AHCYL2: variants seen among roughly 807,000 people sequenced by gnomAD.
The protein encoded by AHCYL2 is S-adenosylhomocysteine hydrolase-like protein 2.
A neutral mutation model predicts 81.4 loss-of-function variants in AHCYL2; 28 were observed. The observed-to-expected ratio is 0.34, with a 90% CI of 0.25 to 0.47. The LOEUF is 0.47. Ranked by LOEUF, AHCYL2 falls within the 20% of genes least tolerant of loss-of-function variation. The pLI is 1.00. For synonymous variants in AHCYL2, 272 were observed against 290.2 expected (o/e 0.94, Z 0.64); for missense variants, 551 against 785.1 (o/e 0.70, Z 3.56).
chr7:129,263,737 T>C (rs1184612168), intron 1 of AHCYL2, among the ~76,000 whole-genome samples: 1 of 152,184 alleles, frequency 6.6e-6, no homozygotes, highest in East Asian at 1.9e-4. Context: ...TCAGATGCAA[T>C]ATGGAGAATG....
intron 1 of AHCYL2, among the ~76,000 whole-genome samples, chr7:129,349,582 G>A (rs1793482512): frequency 6.7e-6 from 1 of 149,878 alleles, no homozygotes; most frequent in African/African-American, 2.5e-5. Flanking sequence ...AACCCGGGAA[G>A]CGGAGGTTGT....
At chr7:129,401,945 C>CCT (rs1367356044) in intron 6 of AHCYL2, among the ~76,000 whole-genome samples, 2 of 152,296 alleles carry the variant, frequency 1.3e-5, no homozygotes, top group East Asian at 3.9e-4. Flanking sequence ...TGCTTCCCAA[C>CCT]CTCTGGAAGA....
At chr7:129,325,818 G>A (rs886176371) in intron 1 of AHCYL2, among the ~76,000 whole-genome samples, 10 of 151,378 alleles carry the variant, frequency 6.6e-5, no homozygotes, top group Admixed American at 2.6e-4. Context: ...CGATTCTCCC[G>A]CCTCAGCCTC....
intron 1 of AHCYL2, among the ~76,000 whole-genome samples, chr7:129,275,612 G>A (rs2566884): frequency 0.12 from 18,590 of 151,932 alleles, 1,503 homozygotes; most frequent in African/African-American, 0.24. Context: ...CATTATTTGC[G>A]TTAAAAATTA....
chr7:129,414,420 C>T (rs200855684), intron 12 of AHCYL2, among the ~76,000 whole-genome samples: 62 of 125,402 alleles, frequency 4.9e-4, no homozygotes, highest in Middle Eastern at 4.3e-3. Flanking sequence ...AATGTTGTTT[C>T]TTTTTTTTTT....
chr7:129,328,234 G>A (rs770085555), intron 1 of AHCYL2, among the ~76,000 whole-genome samples: 3 of 152,240 alleles, frequency 2.0e-5, no homozygotes, highest in Non-Finnish European at 4.4e-5. Context: ...CTGGAGTGCA[G>A]TGGCACAATC....
chr7:129,319,707 AC>A (rs1797948829), intron 1 of AHCYL2, among the ~76,000 whole-genome samples: 1 of 152,172 alleles, frequency 6.6e-6, no homozygotes, highest in Non-Finnish European at 1.5e-5. Flanking sequence ...GGCTTCCTTC[AC>A]TCAGCAAAAT....
chr7:129,251,589 A>G (rs945579120), intron 1 of AHCYL2, among the ~76,000 whole-genome samples: 9 of 152,142 alleles, frequency 5.9e-5, no homozygotes, highest in Admixed American at 1.3e-4. Flanking sequence ...CGCCTCCTTT[A>G]CAGTTTGGTA....
At chr7:129,272,329 A>G (rs1313030654) in intron 1 of AHCYL2, among the ~76,000 whole-genome samples, 3 of 152,232 alleles carry the variant, frequency 2.0e-5, no homozygotes, top group Non-Finnish European at 2.9e-5. Context: ...CCCAGATGTT[A>G]TAGAGCAGAC....
intron 1 of AHCYL2, chr7:129,375,838 A>G: frequency 6.5e-7 from 1 of 1,535,730 alleles, no homozygotes; most frequent in Non-Finnish European, 8.7e-7. Flanking sequence ...TCCCTGGACC[A>G]CAGAGGTGGC....
chr7:129,372,354 G>A (rs560866606), intron 1 of AHCYL2, among the ~76,000 whole-genome samples: 1 of 152,028 alleles, frequency 6.6e-6, no homozygotes, highest in Non-Finnish European at 1.5e-5. Flanking sequence ...GGAATTAATT[G>A]GTTTCTCTTG....
intron 6 of AHCYL2, among the ~76,000 whole-genome samples, chr7:129,401,474 T>C (rs1427660017): frequency 2.0e-5 from 3 of 152,164 alleles, no homozygotes; most frequent in Admixed American, 6.5e-5. Flanking sequence ...AGTCCAACCA[T>C]TGCTTGCTGC....
intron 1 of AHCYL2, among the ~76,000 whole-genome samples, chr7:129,350,468 C>G (rs1793519398): frequency 6.6e-6 from 1 of 151,146 alleles, no homozygotes; most frequent in Non-Finnish European, 1.5e-5. Flanking sequence ...ACTGCAACCT[C>G]TGCCTCCCGG....
Position 129,258,380 on chromosome 7 carries a change from CATG to C in AHCYL2, c.363+32944_363+32946del, listed in dbSNP as rs140322301. Among the ~76,000 whole-genome samples, 1,285 of 152,128 alleles carry C rather than the reference CATG, an allele frequency of 8.4e-3. 11 individuals are homozygous for C. Among genetic ancestry groups the C allele is most frequent in the African/African-American group, 0.03 (1,231 of 41,516 alleles). ...AGGTACTACGTGTATACCAGGACTA[CATG>C]ATATCCTTCTTAGAAGATAATACTT... On this transcript the variant is annotated intron_variant, in intron 1 of 16. Transcript: ENST00000325006.
intron 4 of AHCYL2, among the ~76,000 whole-genome samples, chr7:129,390,855 C>G (rs1227044675): frequency 6.6e-6 from 1 of 152,150 alleles, no homozygotes; most frequent in Non-Finnish European, 1.5e-5. Flanking sequence ...ACCAGTGATT[C>G]CTACCTTACT....
At chr7:129,265,401 G>A (rs1213466119) in intron 1 of AHCYL2, among the ~76,000 whole-genome samples, 1 of 152,196 alleles carries the variant, frequency 6.6e-6, no homozygotes, top group African/African-American at 2.4e-5. Flanking sequence ...GAATTTGATA[G>A]GTGGCAGTAA....
At chr7:129,267,912 A>G (rs1439727389) in intron 1 of AHCYL2, among the ~76,000 whole-genome samples, 2 of 152,172 alleles carry the variant, frequency 1.3e-5, no homozygotes, top group Non-Finnish European at 2.9e-5. Flanking sequence ...CTATTTATTT[A>G]AAAGTACCTA....
intron 4 of AHCYL2, among the ~76,000 whole-genome samples, chr7:129,390,507 A>C (rs1328494997): frequency 6.6e-6 from 1 of 152,246 alleles, no homozygotes; most frequent in Non-Finnish European, 1.5e-5. Context: ...ACTGTAATAA[A>C]AGTTATGTCA....
chr7:129,314,237 A>G (rs1056917488), intron 1 of AHCYL2, among the ~76,000 whole-genome samples: 2 of 152,200 alleles, frequency 1.3e-5, no homozygotes, highest in African/African-American at 2.4e-5. Flanking sequence ...AAGTCTAACT[A>G]TGGTTTTCCT....
Sources: gnomAD v4.1 joint callset for allele counts (sites outside exome capture counted in the v4.1 genomes callset) on GRCh38, gnomAD v4.1.1 for gene constraint, MANE v1.5 for transcripts, NCBI Gene and HGNC (gene_info 2026-07-23, HGNC 2026-07-21) for gene names.